The following DCAF7 variants were observed in gnomAD, a reference collection of about 807,000 sequenced individuals.
The protein encoded by DCAF7 is DDB1 and CUL4 associated factor 7.
In DCAF7, 4 loss-of-function variants were observed where a neutral mutation model predicts 41.2. The ratio of observed to expected loss-of-function variants is 0.10; its 90% CI spans 0.05 to 0.22. The LOEUF (loss-of-function observed/expected upper bound fraction) is 0.22. Ranked by LOEUF, DCAF7 falls within the 10% of genes least tolerant of loss-of-function variation. The pLI is 1.00. For missense variants in DCAF7, 131 were observed against 443.2 expected (o/e 0.30, Z 6.32); for synonymous variants, 143 against 164.2 (o/e 0.87, Z 0.99).
intron 6 of DCAF7, among the ~76,000 whole-genome samples, chr17:63,587,330 T>C (rs1356505554): frequency 6.6e-6 from 1 of 151,958 alleles, no homozygotes; most frequent in African/African-American, 2.4e-5. Context: ...TGCCCTCTTT[T>C]TTTTTTTTTC....
intron 1 of DCAF7, among the ~76,000 whole-genome samples, chr17:63,557,375 G>T (rs2033321990): frequency 6.6e-6 from 1 of 152,094 alleles, no homozygotes; most frequent in Admixed American, 6.5e-5. Flanking sequence ...TGGGCACAGT[G>T]GTTCACTCCT....
Position 63,585,269 on chromosome 17 carries a change from G to A in DCAF7, c.797G>A (p.Arg266Gln). 1 of 1,613,950 alleles carries A rather than the reference G, an allele frequency of 6.2e-7. No individual in the cohort carries two copies. Among genetic ancestry groups the A allele is most frequent in the Non-Finnish European group, 8.5e-7 (1 of 1,179,892 alleles). Residue 266 changes from arginine to glutamine, a missense_variant, in exon 6 of 7, where the codon CGA becomes CAA. By Grantham distance (43) the Arg-to-Gln change is conservative (BLOSUM62 1). Transcript: ENST00000614556. Reference sequence around the variant, plus strand: ...CCTGTCGCCAGGTTAAACAACCATCGAGCATGTGTCAATGGCATTGCTTGG... The same window carrying A: ...CCTGTCGCCAGGTTAAACAACCATCAAGCATGTGTCAATGGCATTGCTTGG... ...CTPVARLNNH[R>Q]ACVNGIAWAP...
chr17:63,553,303 A>G (rs1242513729), intron 1 of DCAF7, among the ~76,000 whole-genome samples: 1 of 152,256 alleles, frequency 6.6e-6, no homozygotes, highest in African/African-American at 2.4e-5. Context: ...TGGCAAAGTC[A>G]CAGACAGTCA....
chr17:63,564,168 C>T lies in DCAF7; in HGVS notation c.138+13353C>T, dbSNP rs574048391. ...ACACACACACACACACACACATACA[C>T]ATATATACACACACACCTGTGTTTT... On this transcript the variant is annotated intron_variant, in intron 1 of 6. Coordinates refer to ENST00000614556, the MANE Select transcript of DCAF7 (RefSeq NM_005828.5). Among the ~76,000 whole-genome samples the T allele has an allele frequency of 1.0e-3, 155 of 150,896 alleles. 1 individual carries two copies. Among genetic ancestry groups the T allele is most frequent in the African/African-American group, 3.6e-3 (149 of 41,058 alleles).
At chr17:63,574,292 G>T (rs1344726741) in intron 1 of DCAF7, among the ~76,000 whole-genome samples, 1 of 151,956 alleles carries the variant, frequency 6.6e-6, no homozygotes, top group African/African-American at 2.4e-5. Context: ...CCTCTCAATT[G>T]TTATCGATTA....
intron 1 of DCAF7, among the ~76,000 whole-genome samples, chr17:63,576,953 A>G (rs748313047): frequency 2.6e-5 from 4 of 152,252 alleles, no homozygotes; most frequent in Non-Finnish European, 5.9e-5. Flanking sequence ...ACATAATGCA[A>G]TATTATTCAG....
At chr17:63,566,226 C>T (rs767862988) in intron 1 of DCAF7, among the ~76,000 whole-genome samples, 16 of 152,068 alleles carry the variant, frequency 1.1e-4, no homozygotes, top group Non-Finnish European at 2.1e-4. Flanking sequence ...AAAAAATTAG[C>T]CGGGCGTGGT....
rs979977805 is a variant in DCAF7 at position 63,589,508 on chromosome 17, C to T, written c.*336C>T. 8.1e-6 allele frequency: 3 copies of T among 369,382 alleles called. No individual in the cohort carries two copies. The highest frequency in any genetic ancestry group is 3.8e-5 in the Admixed American group (1 of 26,192). 22.9% of individuals were successfully genotyped at this position (369,382 alleles called of 1,614,324 possible). A position where few individuals can be genotyped will look rare whatever the true frequency, so the allele number is the denominator to read the frequency against. On this transcript the variant is annotated 3_prime_UTR_variant, in exon 7 of 7. Coordinates refer to ENST00000614556, the MANE Select transcript of DCAF7 (RefSeq NM_005828.5). ...GTTCACGCACTGGCTGTGTCTATTC[C>T]TCTGCCCAGGTGTCTCTGTTTGCTG...
In DCAF7 at chr17:63,594,040, G is replaced by T. The variant is rs1301828635; in HGVS notation, c.*4868G>T. 1 of 152,614 alleles carries T rather than the reference G, an allele frequency of 6.6e-6. No homozygotes were observed. The highest frequency in any genetic ancestry group is 2.4e-5 in the African/African-American group (1 of 41,444). The allele number at this position is 152,614 out of a possible 1,614,324, so 9.5% of individuals were successfully genotyped here. A position where few individuals can be genotyped will look rare whatever the true frequency, so the allele number is the denominator to read the frequency against. On this transcript the variant is annotated 3_prime_UTR_variant, in exon 7 of 7. Transcript: ENST00000614556. ...TTTCACAGGACTGATTGTACACAGG[G>T]CTTGTAATAAAATTTTAACACTGTG... is the stretch of plus-strand genomic sequence containing the variant.
At chr17:63,588,816 TG>T (rs373844215) in intron 6 of DCAF7, among the ~76,000 whole-genome samples, 183 bp from the exon 7 acceptor site, 2 of 152,192 alleles carry the variant, frequency 1.3e-5, no homozygotes, top group African/African-American at 4.8e-5. Flanking sequence ...TGAATAGCTG[TG>T]TGATTTGGAA....
At chr17:63,588,189 ATT>A (rs377638787) in intron 6 of DCAF7, among the ~76,000 whole-genome samples, 6 of 120,214 alleles carry the variant, frequency 5.0e-5, no homozygotes, top group East Asian at 2.2e-4. Flanking sequence ...ATTTTCTTGG[ATT>A]TTTTTTTTTT....
At chr17:63,551,891 CAAAAAAAAAAAAAAAAAAAAAAAA>C (rs529811578) in intron 1 of DCAF7, among the ~76,000 whole-genome samples, 322 of 27,300 alleles carry the variant, frequency 0.012, 4 homozygotes, top group African/African-American at 0.026. Context: ...TACTAAAATA[CAAAAAAAAAAAAAAAAAAAAAAAA>C]AAAAAAAAAA....
At chr17:63,567,453 C>T (rs75790565) in intron 1 of DCAF7, among the ~76,000 whole-genome samples, 2 of 152,272 alleles carry the variant, frequency 1.3e-5, no homozygotes, top group East Asian at 3.9e-4. Context: ...GAAAGAGAAA[C>T]TAGGCTGTGT....
At chr17:63,565,143 AAGAG>A (rs1169781993) in intron 1 of DCAF7, among the ~76,000 whole-genome samples, 1 of 152,190 alleles carries the variant, frequency 6.6e-6, no homozygotes, top group Non-Finnish European at 1.5e-5. Context: ...CTCTTAGAAA[AAGAG>A]AGAAAGTCCT....
chr17:63,551,307 A>ACCCCCCCC (rs34112812), intron 1 of DCAF7, among the ~76,000 whole-genome samples: 6 of 86,210 alleles, frequency 7.0e-5, no homozygotes, highest in Non-Finnish European at 1.2e-4. Flanking sequence ...CCCTACTCCC[A>ACCCCCCCC]CCCCCCCCGG....
intron 1 of DCAF7, among the ~76,000 whole-genome samples, chr17:63,578,254 C>T (rs1311764819): frequency 6.6e-6 from 1 of 152,138 alleles, no homozygotes; most frequent in African/African-American, 2.4e-5. Context: ...ACCCCAGCTA[C>T]TTGAGAGGCT....
intron 5 of DCAF7, among the ~76,000 whole-genome samples, chr17:63,583,940 C>T (rs1006106051): frequency 2.0e-5 from 3 of 152,154 alleles, no homozygotes; most frequent in Non-Finnish European, 4.4e-5. Context: ...GACAGTCCCC[C>T]AGCAAAGTAT....
chr17:63,589,286 C>A lies in DCAF7; in HGVS notation c.*114C>A. ...GGCCAGTATGTCTTTCATTGCTTTG[C>A]ACCCACTGTTACCAGAAGCTGCTCT... On this transcript the variant is annotated 3_prime_UTR_variant, in exon 7 of 7. Transcript: ENST00000614556. The A allele has an allele frequency of 7.1e-7, 1 of 1,400,376 alleles. No individual in the cohort carries two copies. The highest frequency in any genetic ancestry group is 9.9e-7 in the Non-Finnish European group (1 of 1,011,468). The allele number at this position is 1,400,376 out of a possible 1,614,324, so 86.7% of individuals were successfully genotyped here. A position where few individuals can be genotyped will look rare whatever the true frequency, so the allele number is the denominator to read the frequency against.
intron 1 of DCAF7, among the ~76,000 whole-genome samples, chr17:63,566,001 T>C (rs2147765690): frequency 6.6e-6 from 1 of 152,156 alleles, no homozygotes; most frequent in East Asian, 1.9e-4. Context: ...CTCAGGAAAC[T>C]GAGGCAGGAG....
Sources: gnomAD v4.1 joint callset for allele counts (sites outside exome capture counted in the v4.1 genomes callset) on GRCh38, gnomAD v4.1.1 for gene constraint, MANE v1.5 for transcripts, NCBI Gene and HGNC (gene_info 2026-07-23, HGNC 2026-07-21) for gene names.